The following TECRL variants were observed in gnomAD, a reference collection of about 807,000 sequenced individuals.
TECRL encodes trans-2,3-enoyl-CoA reductase-like.
Under a neutral mutation model 52.8 loss-of-function variants are expected in TECRL, and 63 were observed. That is an observed-to-expected ratio of 1.19 (90% CI 0.97 to 1.47). TECRL has a LOEUF of 1.47. Among genes scored for constraint, TECRL ranks in the 40% most tolerant of loss-of-function variants. The pLI is 0.00. For missense variants in TECRL, 482 were observed against 429.6 expected (o/e 1.12, Z -1.08); for synonymous variants, 164 against 141.9 (o/e 1.16, Z -1.10).
In TECRL at chr4:64,347,552, C is replaced by T. The variant is rs146490498; in HGVS notation, c.287-18996G>A. 6.3e-3 allele frequency among the ~76,000 whole-genome samples: 961 copies of T among 152,154 alleles called. 8 individuals are homozygous for T. Among genetic ancestry groups the T allele is most frequent in the African/African-American group, 0.022 (910 of 41,504 alleles). ...CACAGTTCTGCATGGCTGGGGAGGC[C>T]TCAGGAAACTTACAATCATGGTGCA... On this transcript the variant is annotated intron_variant, in intron 2 of 11. Coordinates refer to ENST00000381210, the MANE Select transcript of TECRL (RefSeq NM_001010874.5).
chr4:64,377,241 CAG>C (rs1486363174), intron 1 of TECRL, among the ~76,000 whole-genome samples: 1 of 151,916 alleles, frequency 6.6e-6, no homozygotes, highest in East Asian at 1.9e-4. Flanking sequence ...CAAAATAAAT[CAG>C]AAAGAAATTA....
chr4:64,277,343 A>G (rs1288696562), downstream of TECRL, among the ~76,000 whole-genome samples: 1 of 151,934 alleles, frequency 6.6e-6, no homozygotes, highest in Non-Finnish European at 1.5e-5. Flanking sequence ...AAAAAGGGAC[A>G]TTTATCACAA....
At chr4:64,338,961 C>G (rs1343098065) in intron 2 of TECRL, among the ~76,000 whole-genome samples, 2 of 152,106 alleles carry the variant, frequency 1.3e-5, no homozygotes, top group African/African-American at 4.8e-5. Context: ...ATAAATCATG[C>G]TGCTATGAAG....
intron 6 of TECRL, among the ~76,000 whole-genome samples, chr4:64,309,003 CAT>C (rs1172940640): frequency 6.6e-6 from 1 of 152,052 alleles, no homozygotes; most frequent in African/African-American, 2.4e-5. Context: ...GGTAGTAACA[CAT>C]GTTGATTGAC....
intron 1 of TECRL, among the ~76,000 whole-genome samples, chr4:64,384,407 A>G (rs1723030051): frequency 1.3e-5 from 2 of 152,058 alleles, no homozygotes; most frequent in Admixed American, 1.3e-4. Context: ...TGGCATATGC[A>G]AATGAGTGCT....
chr4:64,364,207 A>G (rs6551823), intron 2 of TECRL, among the ~76,000 whole-genome samples: 136,463 of 151,850 alleles, frequency 0.9, 61,974 homozygotes, highest in East Asian at 1. Flanking sequence ...AAAAATCTTC[A>G]AAACTAGTGA....
intron 1 of TECRL, among the ~76,000 whole-genome samples, chr4:64,384,694 C>A (rs1723054228): frequency 6.6e-6 from 1 of 152,006 alleles, no homozygotes; most frequent in Non-Finnish European, 1.5e-5. Context: ...CTCAGGCCCC[C>A]TGATGGTGTG....
chr4:64,319,546 A>G (rs1198976888), intron 4 of TECRL, among the ~76,000 whole-genome samples: 1 of 151,884 alleles, frequency 6.6e-6, no homozygotes, highest in Non-Finnish European at 1.5e-5. Context: ...ATATTTCCAA[A>G]CCACATATAC....
intron 2 of TECRL, among the ~76,000 whole-genome samples, chr4:64,364,576 C>T (rs985045572): frequency 2.6e-5 from 4 of 151,796 alleles, no homozygotes; most frequent in Non-Finnish European, 2.9e-5. Flanking sequence ...ATATAGATAA[C>T]ATTACCCCAA....
chr4:64,302,656 A>G (rs886702257), intron 7 of TECRL, among the ~76,000 whole-genome samples: 4 of 151,346 alleles, frequency 2.6e-5, no homozygotes, highest in Non-Finnish European at 4.4e-5. Context: ...ATTTAATGAA[A>G]ATTTTCAAGA....
rs112067702 is a variant in TECRL at position 64,289,463 on chromosome 4, A to T, written c.832+247T>A. Among the ~76,000 whole-genome samples, 1,295 of 152,098 alleles carry T rather than the reference A, an allele frequency of 8.5e-3. 17 individuals carry two copies. Among genetic ancestry groups the T allele is most frequent in the African/African-American group, 0.029 (1,215 of 41,502 alleles). On this transcript the variant is annotated intron_variant, in intron 9 of 11. Coordinates refer to ENST00000381210, the MANE Select transcript of TECRL (RefSeq NM_001010874.5). The stretch of plus-strand genomic sequence containing the variant: ...GTTCATTTATTTACATATTTAAGTG[A>T]TATTGTTGTTTAGTGTGTGTGGGGA...
At position 64,358,773 on chromosome 4, in the gene TECRL, A is replaced by G. The variant is rs370014205; in HGVS notation, c.286+16399T>C. ...ATAAATGAGGCATTGACGCAATATT[A>G]TTTTTGGAATAACAGAAATTATTGA... On this transcript the variant is annotated intron_variant, in intron 2 of 11. Coordinates refer to ENST00000381210, the MANE Select transcript of TECRL (RefSeq NM_001010874.5). 8.6e-5 allele frequency among the ~76,000 whole-genome samples: 13 copies of G among 151,962 alleles called. No homozygotes were observed. The South Asian group carries it at 2.5e-3, about 29-fold the overall frequency.
intron 4 of TECRL, 48 bp from the exon 5 acceptor site, chr4:64,314,811 T>A: frequency 7.3e-7 from 1 of 1,366,564 alleles, no homozygotes; most frequent in South Asian, 1.2e-5. Context: ...TAGATGTTTT[T>A]AAGGTTCATT....
At chr4:64,289,879 A>G in intron 8 of TECRL, 112 bp from the exon 9 acceptor site, 1 of 602,934 alleles carries the variant, frequency 1.7e-6, no homozygotes. Context: ...AAAGATTCAA[A>G]AGATATATAT....
At chr4:64,277,003 T>A, downstream of TECRL, 1 of 1,471,396 alleles carries the variant, frequency 6.8e-7, no homozygotes, top group Non-Finnish European at 9.1e-7. Flanking sequence ...AACAAGATGG[T>A]GTAAATTTGT....
At chr4:64,297,192 G>A (rs1035676998) in intron 8 of TECRL, among the ~76,000 whole-genome samples, 2 of 151,222 alleles carry the variant, frequency 1.3e-5, no homozygotes, top group Non-Finnish European at 3.0e-5. Context: ...AAAAACAAGA[G>A]GGAGATGAAA....
chr4:64,381,584 CT>C (rs924467819), intron 1 of TECRL, among the ~76,000 whole-genome samples: 2 of 151,020 alleles, frequency 1.3e-5, no homozygotes, highest in African/African-American at 2.4e-5. Flanking sequence ...TGAGAGGTTT[CT>C]TTTTTTTAAT....
intron 7 of TECRL, 75 bp downstream of exon 7, chr4:64,305,091 T>C: frequency 9.9e-7 from 1 of 1,014,722 alleles, no homozygotes; most frequent in Non-Finnish European, 1.4e-6. Flanking sequence ...CTTATTCCTT[T>C]ATGTATGTCA....
At chr4:64,399,201 C>G (rs1288466150) in intron 1 of TECRL, among the ~76,000 whole-genome samples, 2 of 152,092 alleles carry the variant, frequency 1.3e-5, no homozygotes, top group African/African-American at 4.8e-5. Flanking sequence ...TATTCTCTCC[C>G]TGGGACACCT....
Sources: allele counts gnomAD v4.1 joint callset (sites outside exome capture counted in the v4.1 genomes callset), GRCh38; gene constraint gnomAD v4.1.1; transcripts MANE v1.5; gene names NCBI Gene and HGNC (gene_info 2026-07-23, HGNC 2026-07-21).